Variants in CTNND1 observed in about 807,000 individuals in gnomAD.
The protein encoded by CTNND1 is catenin delta 1.
Under a neutral mutation model 112.1 loss-of-function variants are expected in CTNND1, and 16 were observed. The observed-to-expected ratio is 0.14, with a 90% CI of 0.10 to 0.22. The LOEUF (loss-of-function observed/expected upper bound fraction) is 0.22. Among genes scored for constraint, CTNND1 ranks in the 10% least tolerant of loss-of-function variants. The pLI is 1.00. For synonymous variants in CTNND1, 420 were observed against 446.5 expected, an observed-to-expected ratio of 0.94 and a Z score of 0.75; for missense variants, 1,008 against 1,257.0, an observed-to-expected ratio of 0.80 and a Z score of 3.00.
At chr11:57,815,174 C>T (rs1052433915) in intron 18 of CTNND1, among the ~76,000 whole-genome samples, 2 of 152,086 alleles carry the variant, frequency 1.3e-5, no homozygotes, top group African/African-American at 4.8e-5. Flanking sequence ...GTGATCTGCC[C>T]GTCTCAGCTT....
Position 57,816,471 on chromosome 11 carries a change from A to G in CTNND1, c.*163A>G, listed in dbSNP as rs1235250094. On this transcript the variant is annotated 3_prime_UTR_variant, in exon 21 of 21. Coordinates refer to ENST00000399050, the MANE Select transcript of CTNND1 (RefSeq NM_001085458.2). ...GCTGCCTTCTTTCCATCAACTCCCA[A>G]CTTCTTCCTGTGAAGTTTAATTGTC... 9 of 761,342 alleles carry G rather than the reference A, an allele frequency of 1.2e-5. No homozygotes were observed. The highest frequency in any genetic ancestry group is 9.9e-5 in the South Asian group (6 of 60,552). 47.2% of individuals were successfully genotyped at this position (761,342 alleles called of 1,614,324 possible). A position where few individuals can be genotyped will look rare whatever the true frequency, so the allele number is the denominator to read the frequency against.
At chr11:57,809,251 C>T (rs1435467936) in intron 14 of CTNND1, 23 bp from the exon 15 acceptor site, 16 of 1,585,170 alleles carry the variant, frequency 1.0e-5, no homozygotes, top group Non-Finnish European at 1.4e-5. Context: ...TCTTTTCTCC[C>T]TGCATACATT....
rs1348022438 is a variant in CTNND1 at position 57,762,164 on chromosome 11, G to A, written c.-214+45G>A. 1.1e-5 allele frequency: 10 copies of A among 870,510 alleles called. No homozygotes were observed. The African/African-American group carries it at 1.6e-4, about 14-fold the overall frequency. The allele number at this position is 870,510 out of a possible 1,614,324, so 53.9% of individuals were successfully genotyped here. On this transcript the variant is annotated intron_variant, in intron 1 of 20. Coordinates refer to ENST00000399050, the MANE Select transcript of CTNND1 (RefSeq NM_001085458.2). The stretch of plus-strand genomic sequence containing the variant: ...AAACGGGAGAGTCTGTTATGCTGAT[G>A]AGTAACTTTTAAGCAATTATTTTTC...
intron 1 of CTNND1, among the ~76,000 whole-genome samples, chr11:57,778,566 C>CTACG (rs948085936): frequency 5.9e-5 from 9 of 152,204 alleles, no homozygotes; most frequent in African/African-American, 2.2e-4. Flanking sequence ...GAGCTTTGTC[C>CTACG]TACGTAGTGT....
rs1426568186 is a variant in CTNND1, at chr11:57,791,394, AG to A, written c.-80del. ...TACCCTTTCCCGGTAGTGTGAAGTG[AG>A]GGGGTCTCTCTCCCTCCTTCTCCTT... On this transcript the variant is annotated 5_prime_UTR_variant, in exon 3 of 21. Transcript: ENST00000399050. 1.5e-6 allele frequency: 2 copies of A among 1,370,968 alleles called. No homozygotes were observed. The highest frequency in any genetic ancestry group is 3.0e-5 in the East Asian group (1 of 33,584). The allele number at this position is 1,370,968 out of a possible 1,614,324, so 84.9% of individuals were successfully genotyped here.
intron 6 of CTNND1, among the ~76,000 whole-genome samples, chr11:57,800,031 A>G (rs991950125): frequency 5.3e-5 from 6 of 113,812 alleles, no homozygotes; most frequent in African/African-American, 1.7e-4. Flanking sequence ...TCTGTCACCC[A>G]GGCTGGAGAG....
Position 57,779,180 on chromosome 11 carries a change from C to T in CTNND1, c.-213-9857C>T, listed in dbSNP as rs117272624. Reference sequence around the variant, plus strand: ...GAAGGAAACAGGTAATGCTGAGGTCCTTTACATTTTATATCTCATCCTTCC... The same window carrying T: ...GAAGGAAACAGGTAATGCTGAGGTCTTTTACATTTTATATCTCATCCTTCC... On this transcript the variant is annotated intron_variant, in intron 1 of 20. Transcript: ENST00000399050. 3.0e-3 allele frequency among the ~76,000 whole-genome samples: 460 copies of T among 152,210 alleles called. 3 individuals are homozygous for T. The highest frequency in any genetic ancestry group is 5.2e-3 in the Admixed American group (80 of 15,286).
At chr11:57,797,302 C>T in intron 6 of CTNND1, among the ~76,000 whole-genome samples, 1 of 148,940 alleles carries the variant, frequency 6.7e-6, no homozygotes, top group Non-Finnish European at 1.5e-5. Flanking sequence ...GCCATCTTGG[C>T]TCACTGCCAC....
intron 1 of CTNND1, among the ~76,000 whole-genome samples, chr11:57,783,077 G>A (rs969195563): frequency 2.0e-5 from 3 of 151,724 alleles, no homozygotes; most frequent in African/African-American, 7.3e-5. Context: ...CTTGAGGTCG[G>A]GAGTTCAAGA....
Position 57,788,965 on chromosome 11 carries a change from C to T in CTNND1, c.-213-72C>T. On this transcript the variant is annotated intron_variant, in intron 1 of 20. Transcript: ENST00000399050. The surrounding 1 kb of genome is among the most constrained non-coding windows in gnomAD (Gnocchi z 4.1). ...TTCATTCCTAATATTGCCCCTTGCT[C>T]TTCTTGTTTTTATGTATTGGGTATA... The T allele has an allele frequency of 2.8e-6, 3 of 1,080,632 alleles. No individual in the cohort carries two copies. Among genetic ancestry groups the T allele is most frequent in the Non-Finnish European group, 4.1e-6 (3 of 732,486 alleles). 66.9% of individuals were successfully genotyped at this position (1,080,632 alleles called of 1,614,324 possible).
chr11:57,807,167 T>G (rs1174084918), intron 12 of CTNND1, among the ~76,000 whole-genome samples, 184 bp downstream of exon 12: 1 of 152,254 alleles, frequency 6.6e-6, no homozygotes, highest in Admixed American at 6.5e-5. Context: ...TAAAAAGGAC[T>G]GCTTGTTAAG....
At chr11:57,783,494 C>T (rs1037024262) in intron 1 of CTNND1, among the ~76,000 whole-genome samples, 5 of 151,770 alleles carry the variant, frequency 3.3e-5, no homozygotes, top group African/African-American at 1.2e-4. Context: ...CCCGTCTCTA[C>T]TAAAAATACA....
intron 4 of CTNND1, among the ~76,000 whole-genome samples, chr11:57,795,210 G>A (rs886194815): frequency 6.6e-6 from 1 of 152,130 alleles, no homozygotes; most frequent in African/African-American, 2.4e-5. Flanking sequence ...ATAAATACAA[G>A]TTATTTATTT....
At chr11:57,780,883 C>T (rs1449208700) in intron 1 of CTNND1, among the ~76,000 whole-genome samples, 1 of 152,186 alleles carries the variant, frequency 6.6e-6, no homozygotes, top group Non-Finnish European at 1.5e-5. Context: ...AAATGATGGG[C>T]AAAGAGGTGG....
At chr11:57,807,674 T>C (rs1335835651) in intron 12 of CTNND1, among the ~76,000 whole-genome samples, 1 of 151,852 alleles carries the variant, frequency 6.6e-6, no homozygotes, top group East Asian at 1.9e-4. Flanking sequence ...ATTTGGATCT[T>C]TATATTCATC....
intron 7 of CTNND1, among the ~76,000 whole-genome samples, chr11:57,803,367 C>T (rs1440241659): frequency 6.6e-6 from 1 of 152,170 alleles, no homozygotes; most frequent in Non-Finnish European, 1.5e-5. Context: ...GGATTACAGG[C>T]GTGAGCCACC....
intron 1 of CTNND1, among the ~76,000 whole-genome samples, chr11:57,771,803 T>C (rs1027386632): frequency 8.5e-5 from 13 of 152,320 alleles, no homozygotes; most frequent in African/African-American, 1.7e-4. Context: ...CATGAAAGTA[T>C]AGTTAGCAGA....
In CTNND1 at chr11:57,808,474, G is replaced by A. The variant is rs749282566; in HGVS notation, c.2176G>A (p.Val726Met). 1 of 1,613,148 alleles carries A rather than the reference G, an allele frequency of 6.2e-7. No homozygotes were observed. The highest frequency in any genetic ancestry group is 8.5e-7 in the Non-Finnish European group (1 of 1,179,554). The change falls in exon 14 of 21, where the codon GTG becomes ATG. Residue 726 changes from valine (V) to methionine (M), a missense_variant. Val to Met is a conservative substitution (Grantham distance 21). Transcript: ENST00000399050. Reference sequence around the variant, plus strand: ...CCTCCTGACTAATGAACATGAACGGGTGGTGAAAGCTGCATCTGGAGCACT... The same window carrying A: ...CCTCCTGACTAATGAACATGAACGGATGGTGAAAGCTGCATCTGGAGCACT... ...ADLLTNEHER[V>M]VKAASGALRN...
rs1177259214 is a variant in CTNND1, at chr11:57,818,205, C to A, written c.*1897C>A. 2 of 152,176 alleles carry A rather than the reference C, an allele frequency of 1.3e-5. No homozygotes were observed. Among genetic ancestry groups the A allele is most frequent in the Non-Finnish European group, 2.9e-5 (2 of 67,998 alleles). 9.4% of individuals were successfully genotyped at this position (152,176 alleles called of 1,614,324 possible). On this transcript the variant is annotated 3_prime_UTR_variant, in exon 21 of 21. Transcript: ENST00000399050. ...TGCTCTTTTCCTGGTGCTCTTTTTT[C>A]TCGGTGGGGTGTGGGTAATAGAACA...
Sources: gnomAD v4.1 joint callset for allele counts (sites outside exome capture counted in the v4.1 genomes callset) on GRCh38, gnomAD v4.1.1 for gene constraint, Gnocchi (gnomAD v3.1) non-coding constraint, MANE v1.5 for transcripts, NCBI Gene and HGNC (gene_info 2026-07-23, HGNC 2026-07-21) for gene names.